Variants in FAT2 observed in about 807,000 individuals in gnomAD.
The protein encoded by FAT2 is protocadherin Fat 2.
In FAT2, 150 loss-of-function variants were observed where a neutral mutation model predicts 295.3. The ratio of observed to expected loss-of-function variants is 0.51; its 90% CI spans 0.44 to 0.58. The LOEUF is 0.58. Ranked by LOEUF, FAT2 falls within the 20% of genes least tolerant of loss-of-function variation. FAT2 has a pLI of 0.00. For missense variants in FAT2, 4,868 were observed against 5,442.7 expected, an observed-to-expected ratio of 0.89 and a Z score of 3.32; for synonymous variants, 2,026 against 2,150.3, an observed-to-expected ratio of 0.94 and a Z score of 1.60.
chr5:151,593,185 C>T (rs1759480665), upstream of FAT2, among the ~76,000 whole-genome samples: 1 of 152,244 alleles, frequency 6.6e-6, no homozygotes, highest in Non-Finnish European at 1.5e-5. Context: ...ATCCACTTGG[C>T]TGATTGCCAC....
In FAT2 at chr5:151,545,576, A is replaced by AT. The variant is rs1756541729; in HGVS notation, c.5550dup (p.Phe1851IlefsTer17). ...ATGACTTGGGCAGGTCTGGGTGCAA[A>AT]TAATACAGGGCTTCCTTGGTCATGG... On this transcript the variant is annotated frameshift_variant, in exon 10 of 24. Coordinates refer to ENST00000261800, the MANE Select transcript of FAT2 (RefSeq NM_001447.3). LOFTEE classifies it high-confidence loss of function. 1 of 1,614,116 alleles carries AT rather than the reference A, an allele frequency of 6.2e-7. No homozygotes were observed.
chr5:151,554,728 A>G (rs1288115096), intron 4 of FAT2, 55 bp from the exon 5 acceptor site: 10 of 1,345,376 alleles, frequency 7.4e-6, no homozygotes, highest in South Asian at 3.9e-5. Context: ...ATTAGTGACT[A>G]TGCTTTAACA....
At chr5:151,570,697 A>C (rs1293125000) in intron 1 of FAT2, among the ~76,000 whole-genome samples, 1 of 152,186 alleles carries the variant, frequency 6.6e-6, no homozygotes, top group Non-Finnish European at 1.5e-5. Flanking sequence ...TAGGAGCTTC[A>C]TGGCTGCCAG....
chr5:151,533,392 C>CAA (rs200608520), intron 13 of FAT2, among the ~76,000 whole-genome samples: 3,955 of 116,318 alleles, frequency 0.034, 63 homozygotes, highest in South Asian at 0.053. Context: ...TTGTTATCTC[C>CAA]AACACACACA....
intron 14 of FAT2, among the ~76,000 whole-genome samples, chr5:151,530,562 C>T (rs1207281154): frequency 6.6e-6 from 1 of 152,186 alleles, no homozygotes; most frequent in East Asian, 1.9e-4. Context: ...TAAAATCTTG[C>T]ATATCAACCA....
intron 20 of FAT2, among the ~76,000 whole-genome samples, chr5:151,516,654 T>C (rs1752900758): frequency 6.6e-6 from 1 of 152,228 alleles, no homozygotes; most frequent in South Asian, 2.1e-4. Context: ...ATTGTCAGTC[T>C]CTCCCCCATA....
intron 11 of FAT2, among the ~76,000 whole-genome samples, chr5:151,538,793 C>T (rs1755776550): frequency 6.6e-6 from 1 of 152,140 alleles, no homozygotes; most frequent in African/African-American, 2.4e-5. Context: ...TCTCCTGCCT[C>T]AGCCTCCTAG....
rs1758265782 is a variant in FAT2, at chr5:151,566,409, C to T, written c.2523G>A (p.Glu841=). Residue 841 remains glutamate, a synonymous_variant, in exon 2 of 24, where the codon GAG becomes GAA. Transcript: ENST00000261800. ...CCGAGTCAGCATCTTTGGTTGTCAGCTCTGCAATTGTGGTTCCAACTTCTG... is the reference window on the plus strand; with the variant it reads ...CCGAGTCAGCATCTTTGGTTGTCAGTTCTGCAATTGTGGTTCCAACTTCTG... ...EDTEVGTTIA[E]LTTKDADSED... The T allele has an allele frequency of 6.2e-7, 1 of 1,613,678 alleles. No homozygotes were observed. Among genetic ancestry groups the T allele is most frequent in the Admixed American group, 1.7e-5 (1 of 59,998 alleles).
intron 14 of FAT2, among the ~76,000 whole-genome samples, chr5:151,530,612 GT>G (rs758232602): frequency 6.6e-6 from 1 of 152,220 alleles, no homozygotes; most frequent in Non-Finnish European, 1.5e-5. Flanking sequence ...TAACAAACCA[GT>G]TTCGAAAAGA....
At chr5:151,523,238 G>A (rs1354524678) in intron 18 of FAT2, among the ~76,000 whole-genome samples, 2 of 152,076 alleles carry the variant, frequency 1.3e-5, no homozygotes, top group African/African-American at 4.8e-5. Context: ...TAATTATAAT[G>A]TATAGCTAAC....
At chr5:151,526,070 C>A in intron 17 of FAT2, 105 bp from the exon 18 acceptor site, 1 of 1,086,136 alleles carries the variant, frequency 9.2e-7, no homozygotes. Context: ...AGCACTCTGA[C>A]TGCTTGTAGA....
At position 151,567,695 on chromosome 5, in the gene FAT2, C is replaced by T. The variant is rs1758344364; in HGVS notation, c.1237G>A (p.Gly413Arg). 6.2e-7 allele frequency: 1 copy of T among 1,614,156 alleles called. No homozygotes were observed. Among genetic ancestry groups the T allele is most frequent in the Non-Finnish European group, 8.5e-7 (1 of 1,180,048 alleles). ...ATGAGCTTTGTGGTGGTGATCAACC[C>T]AGTTCGAGCATTAAGTTTAAATCCT... ...NVGFKLNARTGLITTTKLMDF... is the reference protein window; with the variant it reads ...NVGFKLNARTRLITTTKLMDF... The change falls in exon 2 of 24, where the codon GGG (glycine) becomes AGG (arginine). Residue 413 changes from glycine (G) to arginine (R), a missense_variant. Gly to Arg is a moderately radical substitution (Grantham distance 125). Transcript: ENST00000261800.
chr5:151,557,683 G>A (rs182265644), intron 3 of FAT2, among the ~76,000 whole-genome samples: 122 of 152,350 alleles, frequency 8.0e-4, no homozygotes, highest in African/African-American at 2.7e-3. Context: ...TTTCTGTAAA[G>A]TAAGAAAACA....
At chr5:151,520,304 T>C (rs1417769172) in intron 19 of FAT2, among the ~76,000 whole-genome samples, 1 of 152,214 alleles carries the variant, frequency 6.6e-6, no homozygotes, top group African/African-American at 2.4e-5. Context: ...TGGGTGAGTC[T>C]TGGAGTGCCT....
At chr5:151,581,023 T>G (rs1758935173) in intron 1 of FAT2, among the ~76,000 whole-genome samples, 1 of 152,106 alleles carries the variant, frequency 6.6e-6, no homozygotes, top group South Asian at 2.1e-4. Context: ...ACGTGGCCAC[T>G]CCCAACCAGG....
chr5:151,548,350 A>G (rs1426698156), intron 9 of FAT2, among the ~76,000 whole-genome samples: 1 of 151,974 alleles, frequency 6.6e-6, no homozygotes, highest in African/African-American at 2.4e-5. Context: ...ATTATTACAA[A>G]TTATCATTAA....
chr5:151,550,813 C>A lies in FAT2; in HGVS notation c.4355G>T (p.Arg1452Leu). The change falls in exon 8 of 24, where the codon CGT becomes CTT. Residue 1452 changes from arginine (R) to leucine (L), a missense_variant. Coordinates refer to ENST00000261800, the MANE Select transcript of FAT2 (RefSeq NM_001447.3). ...GTCCTGGGGAACTCTGACTTCATAACGAGTTTCCAGAAACTGGGGCCGATG... is the reference window on the plus strand; with the variant it reads ...GTCCTGGGGAACTCTGACTTCATAAAGAGTTTCCAGAAACTGGGGCCGATG... The part of the protein sequence containing the change: ...NHHRPQFLET[R>L]YEVRVPQDTV... 6.2e-7 allele frequency: 1 copy of A among 1,613,852 alleles called. No individual in the cohort carries two copies. Among genetic ancestry groups the A allele is most frequent in the Non-Finnish European group, 8.5e-7 (1 of 1,180,008 alleles).
chr5:151,588,152 T>C (rs184427684), intron 1 of FAT2, among the ~76,000 whole-genome samples: 1 of 152,244 alleles, frequency 6.6e-6, no homozygotes, highest in East Asian at 1.9e-4. Flanking sequence ...TATGTGTGTG[T>C]TGGTGCATGT....
At chr5:151,593,579 C>T (rs112435823), upstream of FAT2, among the ~76,000 whole-genome samples, 984 of 152,308 alleles carry the variant, frequency 6.5e-3, 6 homozygotes, top group African/African-American at 0.023. Flanking sequence ...TCAGAAACTT[C>T]TCATTCCCTG....
Sources: gnomAD v4.1 joint callset for allele counts (sites outside exome capture counted in the v4.1 genomes callset) on GRCh38, gnomAD v4.1.1 for gene constraint, MANE v1.5 for transcripts, NCBI Gene and HGNC (gene_info 2026-07-23, HGNC 2026-07-21) for gene names.